EGFLAM: variants seen among roughly 807,000 people sequenced by gnomAD.
EGFLAM encodes the protein EGF like, fibronectin type III and laminin G domains.
In EGFLAM, 79 loss-of-function variants were observed where a neutral mutation model predicts 113.1. That is an observed-to-expected ratio of 0.70 (90% confidence interval 0.58 to 0.84). EGFLAM has a LOEUF of 0.84. EGFLAM is among the 40% of genes least tolerant of loss of function. EGFLAM has a pLI of 0.00. For missense variants in EGFLAM, 1,265 were observed against 1,291.6 expected (o/e 0.98, Z 0.32); for synonymous variants, 504 against 487.6 (o/e 1.03, Z -0.44).
At chr5:38,394,741 G>A (rs528858895) in intron 6 of EGFLAM, among the ~76,000 whole-genome samples, 1 of 120,390 alleles carries the variant, frequency 8.3e-6, no homozygotes, top group Admixed American at 8.9e-5. Flanking sequence ...TAACTCTAAT[G>A]CTTGTTTAGA....
At chr5:38,272,423 G>A (rs2111720951) in intron 1 of EGFLAM, among the ~76,000 whole-genome samples, 1 of 152,272 alleles carries the variant, frequency 6.6e-6, no homozygotes, top group African/African-American at 2.4e-5. Context: ...TGGCATCGGA[G>A]GTATGATTGA....
intron 21 of EGFLAM, among the ~76,000 whole-genome samples, chr5:38,463,597 A>G (rs1374978337): frequency 5.3e-5 from 8 of 152,364 alleles, no homozygotes; most frequent in African/African-American, 1.7e-4. Context: ...GAATGAATTT[A>G]TAGCTTTTGA....
intron 1 of EGFLAM, among the ~76,000 whole-genome samples, chr5:38,316,459 C>G (rs1487464354): frequency 6.6e-6 from 1 of 152,142 alleles, no homozygotes; most frequent in Admixed American, 6.5e-5. Context: ...TTCTCAGATT[C>G]CTCACTCCTA....
At chr5:38,264,179 GC>G (rs919229155) in intron 1 of EGFLAM, among the ~76,000 whole-genome samples, 11 of 152,078 alleles carry the variant, frequency 7.2e-5, no homozygotes, top group African/African-American at 2.7e-4. Context: ...CACTAGGGGG[GC>G]TGGAGAACTG....
intron 6 of EGFLAM, among the ~76,000 whole-genome samples, chr5:38,386,478 C>G (rs1222897440): frequency 6.6e-6 from 1 of 152,134 alleles, no homozygotes; most frequent in Non-Finnish European, 1.5e-5. Context: ...CAGGCGTGAG[C>G]CACTGCGCCC....
At chr5:38,273,698 A>C (rs1197485610) in intron 1 of EGFLAM, among the ~76,000 whole-genome samples, 2 of 152,244 alleles carry the variant, frequency 1.3e-5, no homozygotes, top group Non-Finnish European at 2.9e-5. Context: ...CAACCTGCCC[A>C]AAATCTCTAG....
chr5:38,262,764 C>G (rs1483222836), intron 1 of EGFLAM, among the ~76,000 whole-genome samples: 2 of 152,140 alleles, frequency 1.3e-5, no homozygotes, highest in Non-Finnish European at 2.9e-5. Flanking sequence ...CAGTTTTAGG[C>G]TATTATGAAT....
intron 17 of EGFLAM, among the ~76,000 whole-genome samples, chr5:38,441,427 A>T (rs1742528706): frequency 6.6e-6 from 1 of 151,792 alleles, no homozygotes; most frequent in African/African-American, 2.4e-5. Flanking sequence ...TTACTTCCAT[A>T]CTTAGAGATT....
chr5:38,409,193 G>T, intron 10 of EGFLAM, 89 bp downstream of exon 10: 1 of 1,002,748 alleles, frequency 1.0e-6, no homozygotes, highest in Non-Finnish European at 1.5e-6. Flanking sequence ...AATATATACA[G>T]GATAGGTTCT....
chr5:38,313,093 A>G (rs1282836995), intron 1 of EGFLAM, among the ~76,000 whole-genome samples: 1 of 152,132 alleles, frequency 6.6e-6, no homozygotes, highest in Non-Finnish European at 1.5e-5. Flanking sequence ...CTCTGTCTCA[A>G]AAAAAATAAA....
chr5:38,377,148 G>A (rs1267768363), intron 6 of EGFLAM, among the ~76,000 whole-genome samples: 1 of 150,628 alleles, frequency 6.6e-6, no homozygotes. Flanking sequence ...TTGAGACAGA[G>A]TCTCGCTCTG....
At chr5:38,414,543 G>A (rs1741582006) in intron 11 of EGFLAM, among the ~76,000 whole-genome samples, 1 of 152,148 alleles carries the variant, frequency 6.6e-6, no homozygotes, top group African/African-American at 2.4e-5. Context: ...TTCTATTCTG[G>A]TGACTATGTG....
At chr5:38,375,057 G>GTT (rs1740327450) in intron 6 of EGFLAM, among the ~76,000 whole-genome samples, 4 of 97,330 alleles carry the variant, frequency 4.1e-5, no homozygotes, top group Admixed American at 2.1e-4. Context: ...TTACTCTGTT[G>GTT]TTGTTTTTTT....
intron 20 of EGFLAM, among the ~76,000 whole-genome samples, chr5:38,460,305 G>C (rs1252647345): frequency 6.6e-6 from 1 of 152,228 alleles, no homozygotes; most frequent in Non-Finnish European, 1.5e-5. Flanking sequence ...TGTGTATCAA[G>C]ATACACTCTG....
In EGFLAM at chr5:38,412,560, G is replaced by T; in HGVS notation, c.1406G>T (p.Gly469Val). ...GTAAGTGAGACCAAAATCAAACTAG[G>T]GGGTTGGCACACGGTTATGCTCTAC... is the stretch of plus-strand genomic sequence containing the variant. ...IIVSETKIKL[G>V]GWHTVMLYRD... is the part of the protein sequence containing the mutation. Residue 469 changes from glycine (G) to valine (V), a missense_variant, in exon 11 of 22, where the codon GGG becomes GTG. Transcript: ENST00000322350. 1 of 1,614,136 alleles carries T rather than the reference G, an allele frequency of 6.2e-7. No homozygotes were observed. The highest frequency in any genetic ancestry group is 8.5e-7 in the Non-Finnish European group (1 of 1,180,036).
At chr5:38,341,505 C>T (rs548575943) in intron 3 of EGFLAM, among the ~76,000 whole-genome samples, 59 of 152,304 alleles carry the variant, frequency 3.9e-4, no homozygotes, top group African/African-American at 1.4e-3. Context: ...TATTACAATT[C>T]AAGGTGAGAT....
At chr5:38,316,319 T>C (rs909536941) in intron 1 of EGFLAM, among the ~76,000 whole-genome samples, 3 of 152,048 alleles carry the variant, frequency 2.0e-5, no homozygotes, top group African/African-American at 7.2e-5. Flanking sequence ...CCCATGACTG[T>C]GTCATTTCCA....
chr5:38,328,988 C>G (rs890121577), intron 1 of EGFLAM, among the ~76,000 whole-genome samples: 1 of 151,828 alleles, frequency 6.6e-6, no homozygotes, highest in Admixed American at 6.6e-5. Context: ...AAGGTTCTTC[C>G]TCTAAGTCTG....
chr5:38,382,306 A>G (rs558292345), intron 6 of EGFLAM, among the ~76,000 whole-genome samples: 11 of 152,360 alleles, frequency 7.2e-5, no homozygotes, highest in African/African-American at 2.4e-4. Context: ...ATAAATGCAA[A>G]TGAATGTAGG....
Sources: allele counts gnomAD v4.1 joint callset (sites outside exome capture counted in the v4.1 genomes callset), GRCh38; gene constraint gnomAD v4.1.1; transcripts MANE v1.5; gene names NCBI Gene and HGNC (gene_info 2026-07-23, HGNC 2026-07-21).